The following TRMT11 variants were observed in gnomAD, a reference collection of about 807,000 sequenced individuals.
TRMT11 encodes the protein tRNA (guanine(10)-N(2))-methyltransferase TRMT11.
In TRMT11, 53 loss-of-function variants were observed where a neutral mutation model predicts 62.8. The ratio of observed to expected loss-of-function variants is 0.84; its 90% CI spans 0.68 to 1.06. The LOEUF is 1.06. Ranked by LOEUF, TRMT11 falls within the 50% of genes least tolerant of loss-of-function variation. The probability of loss-of-function intolerance (pLI) is 0.00; values close to 1 mark genes in which losing one functional copy is unlikely to be tolerated. For missense variants in TRMT11, 556 were observed against 553.4 expected (o/e 1.00, Z -0.05); for synonymous variants, 188 against 190.3 (o/e 0.99, Z 0.10).
the TRMT11 span, among the ~76,000 whole-genome samples, chr6:126,212,294 G>A: frequency 6.6e-6 from 1 of 152,110 alleles, no homozygotes; most frequent in African/African-American, 2.4e-5. Flanking sequence ...CCTAGCAGTG[G>A]GATTGCTGGA....
At chr6:126,258,020 C>G in the TRMT11 span, 1 of 1,493,448 alleles carries the variant, frequency 6.7e-7, no homozygotes. Flanking sequence ...CAACCAGCAG[C>G]TCCTCGACCC....
chr6:126,153,565 CTT>C (rs1391709701), intron 21 of TRMT11, among the ~76,000 whole-genome samples: 2 of 152,222 alleles, frequency 1.3e-5, no homozygotes, highest in Admixed American at 6.5e-5. Context: ...GATACTGTCA[CTT>C]TAAGCCATTC....
chr6:126,043,672 A>C (rs1443172547), downstream of TRMT11, among the ~76,000 whole-genome samples: 2 of 152,126 alleles, frequency 1.3e-5, no homozygotes, highest in Middle Eastern at 3.2e-3. Context: ...TCCCACCAAC[A>C]GTGTAAAACT....
At chr6:126,171,974 C>T (rs1404800422) in intron 21 of TRMT11, among the ~76,000 whole-genome samples, 2 of 152,150 alleles carry the variant, frequency 1.3e-5, no homozygotes, top group Non-Finnish European at 2.9e-5. Context: ...CCGCCTCAGC[C>T]TCCCAAACGG....
chr6:126,267,060 G>A, the TRMT11 span, among the ~76,000 whole-genome samples: 1 of 152,116 alleles, frequency 6.6e-6, no homozygotes, highest in Admixed American at 6.5e-5. Flanking sequence ...TTTAGGCCCT[G>A]TTTCCACATG....
At chr6:126,052,392 C>G (rs1406165565) in intron 16 of TRMT11, among the ~76,000 whole-genome samples, 3 of 152,134 alleles carry the variant, frequency 2.0e-5, no homozygotes, top group East Asian at 3.9e-4. Context: ...CTTCCCCTTC[C>G]TCTCTCTTAT....
intron 21 of TRMT11, among the ~76,000 whole-genome samples, chr6:126,123,936 T>G (rs777647916): frequency 5.3e-5 from 8 of 152,000 alleles, no homozygotes; most frequent in Non-Finnish European, 1.2e-4. Context: ...TGATTGAATA[T>G]CTGGGTTTTT....
At chr6:126,021,381 A>G (rs1414992002) in intron 12 of TRMT11, 101 bp downstream of exon 12, 3 of 1,375,566 alleles carry the variant, frequency 2.2e-6, no homozygotes, top group Non-Finnish European at 3.0e-6. Flanking sequence ...TTATTCCTTG[A>G]TATTTTAAAA....
Position 126,016,138 on chromosome 6 carries a change from C to T in TRMT11, c.1139+3037C>T, listed in dbSNP as rs1583725798. Among the ~76,000 whole-genome samples the T allele has an allele frequency of 2.0e-5, 3 of 152,304 alleles. No homozygotes were observed. The East Asian group carries it at 5.8e-4, about 29-fold the overall frequency. Reference sequence around the variant, plus strand: ...TTAATGACTCCATTGTTGACAGCCACTTCTGAGGTGGTTGCCAAGTGATTC... The same window carrying T: ...TTAATGACTCCATTGTTGACAGCCATTTCTGAGGTGGTTGCCAAGTGATTC... On this transcript the variant is annotated intron_variant, in intron 11 of 12. Coordinates refer to ENST00000334379, the MANE Select transcript of TRMT11 (RefSeq NM_001031712.3).
At position 126,167,997 on chromosome 6, in the gene TRMT11, G is replaced by T. The variant is rs562699560; in HGVS notation, c.*1824-6828G>T. 1.3e-5 allele frequency among the ~76,000 whole-genome samples: 2 copies of T among 152,192 alleles called. 1 individual carries two copies. The highest frequency in any genetic ancestry group is 6.3e-3 in the Middle Eastern group (2 of 316). On this transcript the variant is annotated intron_variant and NMD_transcript_variant, in intron 21 of 22. Transcript: ENST00000648977. ...GATTTTTGTTTTTGTTTGGACTTGG[G>T]TCAGTGTCTCCCATTTATAGCTGGA...
At chr6:126,096,553 CT>C (rs376596023) in intron 17 of TRMT11, among the ~76,000 whole-genome samples, 8,893 of 144,870 alleles carry the variant, frequency 0.061, 806 homozygotes, top group African/African-American at 0.2. Flanking sequence ...TAGATTTTAG[CT>C]TTTTTTTTTT....
the TRMT11 span, among the ~76,000 whole-genome samples, chr6:126,224,255 T>C: frequency 4.6e-5 from 7 of 152,380 alleles, no homozygotes; most frequent in South Asian, 1.2e-3. Context: ...GCATTCATTT[T>C]TCATCGTTGT....
intron 17 of TRMT11, among the ~76,000 whole-genome samples, chr6:126,057,151 A>G (rs1411709733): frequency 6.6e-6 from 1 of 152,200 alleles, no homozygotes; most frequent in Non-Finnish European, 1.5e-5. Context: ...AAGCAGCCTG[A>G]GCAAAGCTGC....
chr6:126,024,996 A>G (rs1364637914), intron 12 of TRMT11, among the ~76,000 whole-genome samples: 1 of 152,248 alleles, frequency 6.6e-6, no homozygotes, highest in Non-Finnish European at 1.5e-5. Context: ...TGCAGTTTTA[A>G]GTCGTGATAT....
At chr6:126,260,611 A>C in the TRMT11 span, among the ~76,000 whole-genome samples, 4 of 152,148 alleles carry the variant, frequency 2.6e-5, no homozygotes, top group East Asian at 7.7e-4. Context: ...TTGTAGGGTT[A>C]GTCTAATGGT....
chr6:126,042,640 A>G (rs866964084), downstream of TRMT11, among the ~76,000 whole-genome samples: 2 of 152,194 alleles, frequency 1.3e-5, no homozygotes, highest in Admixed American at 1.3e-4. Flanking sequence ...TTTGACCTCT[A>G]TGACTTTAAA....
chr6:126,066,066 T>C (rs1776681890), intron 17 of TRMT11, among the ~76,000 whole-genome samples: 1 of 152,202 alleles, frequency 6.6e-6, no homozygotes, highest in African/African-American at 2.4e-5. Context: ...TTCAGACCCT[T>C]TCCTTTGTTT....
At chr6:126,130,719 C>T (rs1777772193) in intron 21 of TRMT11, among the ~76,000 whole-genome samples, 2 of 152,082 alleles carry the variant, frequency 1.3e-5, no homozygotes, top group Admixed American at 1.3e-4. Flanking sequence ...TTTACCACAA[C>T]CTCCCAGCAA....
chr6:126,158,388 A>G (rs1778146276), intron 21 of TRMT11, among the ~76,000 whole-genome samples: 1 of 152,226 alleles, frequency 6.6e-6, no homozygotes, highest in Non-Finnish European at 1.5e-5. Flanking sequence ...GCAAATTAGC[A>G]GCTGGATCCA....
Sources: gnomAD v4.1 joint callset for allele counts (sites outside exome capture counted in the v4.1 genomes callset) on GRCh38, gnomAD v4.1.1 for gene constraint, MANE v1.5 for transcripts, NCBI Gene and HGNC (gene_info 2026-07-23, HGNC 2026-07-21) for gene names.